The following CLEC20A variants were observed in gnomAD, a reference collection of about 807,000 sequenced individuals.
CLEC20A encodes C-type lectin domain containing 20A, also known as putative C-type lectin domain family 20 member A.
chr1:178,497,376 G>C (rs969045044), upstream of CLEC20A, among the ~76,000 whole-genome samples: 4 of 152,184 alleles, frequency 2.6e-5, no homozygotes, highest in African/African-American at 9.7e-5. Context: ...GCCTGGCTGT[G>C]TAGAAACTGG....
upstream of CLEC20A, among the ~76,000 whole-genome samples, chr1:178,497,376 G>A (rs969045044): frequency 6.6e-6 from 1 of 152,184 alleles, no homozygotes; most frequent in African/African-American, 2.4e-5. Context: ...GCCTGGCTGT[G>A]TAGAAACTGG....
intron 3 of CLEC20A, among the ~76,000 whole-genome samples, chr1:178,490,924 C>T (rs1006283095): frequency 6.6e-6 from 1 of 152,172 alleles, no homozygotes; most frequent in Admixed American, 6.5e-5. Context: ...GTGCCTGCCC[C>T]CACTGGCTCT....
chr1:178,491,701 C>G (rs1013613426), intron 3 of CLEC20A, among the ~76,000 whole-genome samples: 1 of 152,214 alleles, frequency 6.6e-6, no homozygotes, highest in African/African-American at 2.4e-5. Flanking sequence ...AAAACCCACT[C>G]TACAGAGCAG....
intron 5 of CLEC20A, among the ~76,000 whole-genome samples, chr1:178,487,263 G>A (rs975402339): frequency 6.6e-6 from 1 of 152,214 alleles, no homozygotes; most frequent in Non-Finnish European, 1.5e-5. Context: ...GCCTGGGGCA[G>A]CCAGGCAGGT....
intron 1 of CLEC20A, 122 bp from the exon 2 acceptor site, chr1:178,494,932 G>C: frequency 2.5e-6 from 1 of 397,388 alleles, no homozygotes; most frequent in South Asian, 1.4e-4. Context: ...GCACTTCGCC[G>C]CTGGCCCACC....
upstream of CLEC20A, chr1:178,497,136 G>A (rs911084974): frequency 2.5e-6 from 1 of 395,536 alleles, no homozygotes; most frequent in Non-Finnish European, 4.4e-6. Context: ...GCTGCCAGCA[G>A]GGTGTGAGGT....
At chr1:178,491,735 T>C (rs1039494057) in intron 3 of CLEC20A, among the ~76,000 whole-genome samples, 12 of 152,200 alleles carry the variant, frequency 7.9e-5, no homozygotes, top group African/African-American at 2.7e-4. Flanking sequence ...ATTGCCTCTG[T>C]CATAGATCTT....
At chr1:178,490,399 C>T (rs1056819578) in exon 4 of CLEC20A, 29 of 398,538 alleles carry the variant, frequency 7.3e-5, no homozygotes, top group Non-Finnish European at 1.3e-5. Flanking sequence ...ATCACTTGGT[C>T]AAATCGCATG....
At chr1:178,494,993 C>G (rs1370328319) in intron 1 of CLEC20A, among the ~76,000 whole-genome samples, 183 bp from the exon 2 acceptor site, 2 of 152,190 alleles carry the variant, frequency 1.3e-5, no homozygotes, top group African/African-American at 4.8e-5. Flanking sequence ...TTCTCTTGTT[C>G]TTGAAGAGCC....
chr1:178,482,745 TC>T, intron 6 of CLEC20A: 1 of 220,850 alleles, frequency 4.5e-6, no homozygotes. Context: ...CTCCTTGAGC[TC>T]CCCACCACAG....
At chr1:178,498,262 C>G (rs1232758153), upstream of CLEC20A, among the ~76,000 whole-genome samples, 1 of 152,084 alleles carries the variant, frequency 6.6e-6, no homozygotes, top group Non-Finnish European at 1.5e-5. Context: ...CGGTCAGAGA[C>G]CCCCAGGCCC....
exon 4 of CLEC20A, chr1:178,490,389 A>G (rs1649244518): frequency 7.5e-6 from 3 of 398,576 alleles, no homozygotes; most frequent in South Asian, 1.3e-4. Flanking sequence ...GGACCATGTC[A>G]TCACTTGGTC....
At chr1:178,495,740 CA>C (rs1234906916) in intron 1 of CLEC20A, among the ~76,000 whole-genome samples, 1 of 152,110 alleles carries the variant, frequency 6.6e-6, no homozygotes, top group Non-Finnish European at 1.5e-5. Flanking sequence ...AACTAATGAG[CA>C]AATCAAACGT....
chr1:178,489,798 A>G (rs2101871251), intron 4 of CLEC20A, among the ~76,000 whole-genome samples: 1 of 152,354 alleles, frequency 6.6e-6, no homozygotes, highest in South Asian at 2.1e-4. Flanking sequence ...TTCATTGTCC[A>G]ATAACGCATT....
intron 5 of CLEC20A, chr1:178,486,469 G>A: frequency 2.5e-6 from 1 of 398,836 alleles, no homozygotes; most frequent in Non-Finnish European, 4.4e-6. Context: ...AGCTGCCTCT[G>A]GGCGGGTGTC....
chr1:178,492,082 G>A (rs536821318), intron 3 of CLEC20A, among the ~76,000 whole-genome samples: 127 of 152,144 alleles, frequency 8.3e-4, no homozygotes, highest in African/African-American at 2.9e-3. Flanking sequence ...CCAGGAGTTC[G>A]AGACCAGCCT....
At chr1:178,498,950 G>T (rs949473101), upstream of CLEC20A, among the ~76,000 whole-genome samples, 1 of 152,252 alleles carries the variant, frequency 6.6e-6, no homozygotes, top group Non-Finnish European at 1.5e-5. Context: ...CTTCCTCCCA[G>T]AAGCAGGTCC....
Position 178,495,223 on chromosome 1 carries a change from C to A in CLEC20A, c.41-413G>T, listed in dbSNP as rs191725802. Among the ~76,000 whole-genome samples the A allele has an allele frequency of 5.3e-3, 803 of 152,370 alleles. 12 individuals carry two copies. The highest frequency in any genetic ancestry group is 0.033 in the Admixed American group (512 of 15,310). On this transcript the variant is annotated intron_variant, in intron 1 of 7. Transcript: ENST00000623247. ...CCATGTGCCATCAGCTCAAGGAATTCTTCCAGCTGCCTAAGATAGCACTCT... is the reference window on the plus strand; with the variant it reads ...CCATGTGCCATCAGCTCAAGGAATTATTCCAGCTGCCTAAGATAGCACTCT...
chr1:178,494,731 G>A (rs1450703857), exon 2 of CLEC20A: 9 of 399,146 alleles, frequency 2.3e-5, no homozygotes, highest in Non-Finnish European at 3.5e-5. Context: ...AGTGCAGCCG[G>A]CAGTGCTGCT....
Sources: allele counts gnomAD v4.1 joint callset (sites outside exome capture counted in the v4.1 genomes callset), GRCh38; gene constraint gnomAD v4.1.1; transcripts MANE v1.5; gene names NCBI Gene and HGNC (gene_info 2026-07-23, HGNC 2026-07-21).